The following VWC2 variants were observed in gnomAD, a reference collection of about 807,000 sequenced individuals.
VWC2 encodes the protein von Willebrand factor C domain containing 2.
In VWC2, 14 loss-of-function variants were observed where a neutral mutation model predicts 29.8. The observed-to-expected ratio is 0.47, with a 90% CI of 0.31 to 0.74. The LOEUF (loss-of-function observed/expected upper bound fraction) is 0.74, where lower values mean the gene tolerates loss of function less well. Ranked by LOEUF, VWC2 falls within the 30% of genes least tolerant of loss-of-function variation. The pLI is 0.05. For synonymous variants in VWC2, 213 were observed against 199.0 expected (o/e 1.07, Z -0.59); for missense variants, 457 against 459.8 (o/e 0.99, Z 0.05).
At chr7:49,833,647 CA>C (rs1198422487) in intron 3 of VWC2, among the ~76,000 whole-genome samples, 1 of 152,148 alleles carries the variant, frequency 6.6e-6, no homozygotes, top group Non-Finnish European at 1.5e-5. Context: ...TACATCTTCA[CA>C]AAATGGCATC....
At chr7:49,859,804 A>G (rs770211161) in intron 3 of VWC2, among the ~76,000 whole-genome samples, 5,489 of 147,382 alleles carry the variant, frequency 0.037, 251 homozygotes, top group South Asian at 0.12. Flanking sequence ...ACACACACAC[A>G]CACACACACA....
At chr7:49,879,963 TTCTC>T (rs1791599034) in intron 3 of VWC2, among the ~76,000 whole-genome samples, 1 of 152,206 alleles carries the variant, frequency 6.6e-6, no homozygotes, top group African/African-American at 2.4e-5. Flanking sequence ...AATTTCATTC[TTCTC>T]TCTGTTTTAT....
chr7:49,797,967 C>G (rs1788634957), intron 2 of VWC2, among the ~76,000 whole-genome samples: 2 of 152,214 alleles, frequency 1.3e-5, no homozygotes, highest in African/African-American at 4.8e-5. Flanking sequence ...ATAAGAAGTA[C>G]TAATGCTTTA....
intron 3 of VWC2, among the ~76,000 whole-genome samples, chr7:49,874,383 T>C (rs1005482917): frequency 1.3e-5 from 2 of 152,206 alleles, no homozygotes; most frequent in African/African-American, 4.8e-5. Context: ...CCGTGCAGGT[T>C]TGTAGCCTAG....
At chr7:49,891,018 C>A (rs1268388972) in intron 3 of VWC2, among the ~76,000 whole-genome samples, 10 of 152,150 alleles carry the variant, frequency 6.6e-5, no homozygotes, top group African/African-American at 2.4e-4. Context: ...TAGATTTAAG[C>A]CAAATATATT....
intron 3 of VWC2, among the ~76,000 whole-genome samples, chr7:49,897,883 CAG>C (rs1377799482): frequency 6.6e-6 from 1 of 152,202 alleles, no homozygotes; most frequent in Non-Finnish European, 1.5e-5. Context: ...AAGGTTCTCA[CAG>C]TGAATATTAG....
At position 49,851,077 on chromosome 7, in the gene VWC2, C is replaced by T. The variant is rs1177751136; in HGVS notation, c.826+48237C>T. The stretch of plus-strand genomic sequence containing the variant: ...CAGAGTCAGTTTCTTCTGGAGGTTC[C>T]GACGGCTGCTCCCTTACATGCCTCT... On this transcript the variant is annotated intron_variant, in intron 3 of 3. Transcript: ENST00000340652. Among the ~76,000 whole-genome samples the T allele has an allele frequency of 3.3e-5, 5 of 152,148 alleles. No individual in the cohort carries two copies. In the East Asian group the frequency reaches 5.8e-4, roughly 18 times the overall value.
intron 3 of VWC2, among the ~76,000 whole-genome samples, chr7:49,826,490 G>C (rs1206006319): frequency 6.6e-6 from 1 of 152,158 alleles, no homozygotes; most frequent in Non-Finnish European, 1.5e-5. Flanking sequence ...ATACAGGTGT[G>C]GTTCTAACTA....
chr7:49,792,409 C>T (rs1472415460), intron 2 of VWC2, among the ~76,000 whole-genome samples: 1 of 152,236 alleles, frequency 6.6e-6, no homozygotes, highest in Non-Finnish European at 1.5e-5. Context: ...TGCATTTACG[C>T]TGCACTAGAC....
intron 3 of VWC2, among the ~76,000 whole-genome samples, chr7:49,845,433 T>C (rs973324434): frequency 9.9e-5 from 15 of 152,196 alleles, no homozygotes; most frequent in Admixed American, 3.9e-4. Context: ...ATTATTACTA[T>C]CAATATATTA....
intron 3 of VWC2, among the ~76,000 whole-genome samples, chr7:49,840,871 T>G (rs1160660518): frequency 6.6e-6 from 1 of 152,166 alleles, no homozygotes; most frequent in East Asian, 1.9e-4. Flanking sequence ...GAGTCAGAGC[T>G]GTTGCCCTGT....
At chr7:49,891,243 C>T (rs529595116) in intron 3 of VWC2, among the ~76,000 whole-genome samples, 1 of 152,210 alleles carries the variant, frequency 6.6e-6, no homozygotes, top group East Asian at 1.9e-4. Flanking sequence ...AGGCAAGAAG[C>T]ATCTCTTGAG....
chr7:49,854,668 G>C (rs1288595539), intron 3 of VWC2, among the ~76,000 whole-genome samples: 1 of 152,282 alleles, frequency 6.6e-6, no homozygotes, highest in East Asian at 1.9e-4. Context: ...TAGGTTGCCT[G>C]TTCACTCTGA....
intron 3 of VWC2, among the ~76,000 whole-genome samples, chr7:49,911,408 G>A (rs1242742396): frequency 6.7e-6 from 1 of 149,842 alleles, no homozygotes; most frequent in Non-Finnish European, 1.5e-5. Context: ...CTTGAACCCC[G>A]GAGGCAGAGG....
intron 3 of VWC2, 110 bp downstream of exon 3, chr7:49,802,950 G>A (rs1450035614): frequency 2.1e-6 from 3 of 1,422,508 alleles, no homozygotes; most frequent in South Asian, 1.3e-5. Flanking sequence ...TTCATCCTAT[G>A]TATCAATACA....
At chr7:49,865,043 A>G (rs564665423) in intron 3 of VWC2, among the ~76,000 whole-genome samples, 140 of 152,318 alleles carry the variant, frequency 9.2e-4, no homozygotes, top group Non-Finnish European at 1.5e-3. Context: ...ATTTATTCTT[A>G]AAGATCTTAT....
At chr7:49,833,829 C>T (rs145636443) in intron 3 of VWC2, among the ~76,000 whole-genome samples, 92 of 152,146 alleles carry the variant, frequency 6.0e-4, no homozygotes, top group African/African-American at 2.0e-3. Context: ...AGCAACTTAC[C>T]ATCGTAACTT....
chr7:49,804,095 A>G (rs971894167), intron 3 of VWC2, among the ~76,000 whole-genome samples: 16 of 151,994 alleles, frequency 1.1e-4, no homozygotes, highest in Non-Finnish European at 2.9e-5. Context: ...GTGCATGTTA[A>G]TTATGAAGAA....
intron 2 of VWC2, among the ~76,000 whole-genome samples, chr7:49,794,060 A>G (rs1018681064): frequency 7.2e-5 from 11 of 152,198 alleles, no homozygotes; most frequent in Non-Finnish European, 1.5e-4. Context: ...AGTTTCTTTG[A>G]ATGCCTCCTC....
Sources: allele counts gnomAD v4.1 joint callset (sites outside exome capture counted in the v4.1 genomes callset), GRCh38; gene constraint gnomAD v4.1.1; transcripts MANE v1.5; gene names NCBI Gene and HGNC (gene_info 2026-07-23, HGNC 2026-07-21).